Variants in PRDM10 observed in about 807,000 individuals in gnomAD.
PRDM10 encodes the protein PR/SET domain 10.
Under a neutral mutation model 133.1 loss-of-function variants are expected in PRDM10, and 65 were observed. The observed-to-expected ratio is 0.49, with a 90% confidence interval of 0.40 to 0.60. The LOEUF (loss-of-function observed/expected upper bound fraction) is 0.60. PRDM10 is among the 20% of genes least tolerant of loss of function. PRDM10 has a pLI of 0.00. For missense variants in PRDM10, 1,137 were observed against 1,507.1 expected (o/e 0.75, Z 4.07); for synonymous variants, 582 against 580.4 (o/e 1.00, Z -0.04).
chr11:129,933,433 A>G (rs1950931736), intron 9 of PRDM10, among the ~76,000 whole-genome samples: 1 of 152,190 alleles, frequency 6.6e-6, no homozygotes, highest in Non-Finnish European at 1.5e-5. Flanking sequence ...TTTCATCTCT[A>G]GATATCTTGG....
intron 15 of PRDM10, 142 bp from the exon 16 acceptor site, chr11:129,916,002 G>T: frequency 1.4e-6 from 1 of 705,248 alleles, no homozygotes; most frequent in Non-Finnish European, 2.2e-6. Context: ...TATATTAACA[G>T]ATCTATTGAA....
chr11:129,931,574 TTA>T (rs1565472710), intron 10 of PRDM10, among the ~76,000 whole-genome samples: 10 of 133,826 alleles, frequency 7.5e-5, no homozygotes, highest in Admixed American at 2.9e-4. Context: ...TTATTTTATT[TTA>T]TTTTTTTTTT....
At chr11:129,922,756 G>A (rs898200003) in intron 13 of PRDM10, among the ~76,000 whole-genome samples, 42 of 152,096 alleles carry the variant, frequency 2.8e-4, no homozygotes, top group African/African-American at 8.9e-4. Flanking sequence ...GGTGGGTTAC[G>A]GATACTCATA....
intron 19 of PRDM10, among the ~76,000 whole-genome samples, chr11:129,907,379 G>A (rs1237653467): frequency 6.6e-6 from 1 of 152,102 alleles, no homozygotes; most frequent in Non-Finnish European, 1.5e-5. Flanking sequence ...GCAATGTATG[G>A]CCCTTATTTG....
At position 129,931,255 on chromosome 11, in the gene PRDM10, A is replaced by C. The variant is rs1039293816; in HGVS notation, c.1291T>G (p.Leu431Val). Residue 431 changes from leucine (L) to valine (V), a missense_variant, in exon 11 of 21, where the codon TTG (leucine) becomes GTG (valine). Physicochemically the swap from Leu to Val is conservative, Grantham distance 32. This residue lies in a region of PRDM10 where 635 missense variants were observed against 835.2 expected (regional missense o/e 0.76). Coordinates refer to ENST00000360871, the MANE Select transcript of PRDM10 (RefSeq NM_199437.2). The stretch of plus-strand genomic sequence containing the variant: ...TGCTCCTTTGTGGGAAAATGTAGCA[A>C]GTCCTGAAATTTGCAATAACCAGGA... ...GEKSDDGTQDLLHFPTKEQFD... is the reference protein window; with the variant it reads ...GEKSDDGTQDVLHFPTKEQFD... 4 of 1,613,446 alleles carry C rather than the reference A, an allele frequency of 2.5e-6. No individual in the cohort carries two copies. In the African/African-American group the frequency reaches 5.3e-5, roughly 22 times the overall value.
intron 11 of PRDM10, among the ~76,000 whole-genome samples, chr11:129,928,064 T>C (rs1355412735): frequency 6.6e-6 from 1 of 152,246 alleles, no homozygotes; most frequent in African/African-American, 2.4e-5. Context: ...AGACAACAGA[T>C]TATTTGTAGA....
At chr11:129,971,851 T>C (rs929503746) in intron 1 of PRDM10, among the ~76,000 whole-genome samples, 1 of 152,168 alleles carries the variant, frequency 6.6e-6, no homozygotes, top group Non-Finnish European at 1.5e-5. Context: ...AGCCCTTGGG[T>C]GGTCGATGGG....
chr11:129,966,314 CAT>C (rs1327485452), intron 1 of PRDM10, among the ~76,000 whole-genome samples: 1 of 152,148 alleles, frequency 6.6e-6, no homozygotes. Flanking sequence ...AAATTAACTA[CAT>C]GTTATGTATT....
intron 1 of PRDM10, among the ~76,000 whole-genome samples, chr11:129,966,149 C>T (rs914096854): frequency 1.3e-5 from 2 of 152,022 alleles, no homozygotes; most frequent in Non-Finnish European, 2.9e-5. Flanking sequence ...GAGGCTGAGG[C>T]GGGAGAATCG....
chr11:129,900,688 C>A lies in PRDM10; in HGVS notation c.*1625G>T, dbSNP rs1949821554. 1 of 152,204 alleles carries A rather than the reference C, an allele frequency of 6.6e-6. No homozygotes were observed. The highest frequency in any genetic ancestry group is 6.5e-5 in the Admixed American group (1 of 15,274). The allele number at this position is 152,204 out of a possible 1,614,324, so 9.4% of individuals were successfully genotyped here. ...CACTGTGGGACTTAGGGAACCCGAA[C>A]CTGTGTTTTGCAATGCAGGGTCAAT... On this transcript the variant is annotated 3_prime_UTR_variant, in exon 21 of 21. Coordinates refer to ENST00000360871, the MANE Select transcript of PRDM10 (RefSeq NM_199437.2).
At chr11:129,925,840 A>T (rs934962391) in intron 11 of PRDM10, among the ~76,000 whole-genome samples, 1 of 152,210 alleles carries the variant, frequency 6.6e-6, no homozygotes, top group African/African-American at 2.4e-5. Flanking sequence ...GGGGGTGATG[A>T]AAGTGTGCTG....
chr11:129,984,482 A>C (rs1387483022), intron 1 of PRDM10, among the ~76,000 whole-genome samples: 1 of 152,106 alleles, frequency 6.6e-6, no homozygotes, highest in Non-Finnish European at 1.5e-5. Context: ...CCTGCAGTCC[A>C]GCCCCACGGC....
intron 15 of PRDM10, 36 bp downstream of exon 15, chr11:129,917,091 C>G (rs201778441): frequency 2.0e-4 from 293 of 1,492,128 alleles, no homozygotes; most frequent in Middle Eastern, 1.2e-3. Context: ...AGCAGGGAAC[C>G]CCAGTGGCAT....
intron 1 of PRDM10, among the ~76,000 whole-genome samples, chr11:129,965,266 A>G (rs1951881811): frequency 6.6e-6 from 1 of 152,188 alleles, no homozygotes; most frequent in South Asian, 2.1e-4. Flanking sequence ...GGAAAGAAAG[A>G]AAAGAAATCT....
chr11:129,996,705 G>A (rs1294631014), intron 1 of PRDM10, among the ~76,000 whole-genome samples: 3 of 152,186 alleles, frequency 2.0e-5, no homozygotes, highest in Non-Finnish European at 2.9e-5. Flanking sequence ...AGGTGTGACA[G>A]CAGAGAGAGA....
chr11:129,929,440 A>G, intron 11 of PRDM10: 2 of 1,556,116 alleles, frequency 1.3e-6, no homozygotes, highest in Non-Finnish European at 1.7e-6. Context: ...GCAGCATTAG[A>G]GGAGAGAAAA....
At chr11:129,978,749 C>T (rs1408979756) in intron 1 of PRDM10, among the ~76,000 whole-genome samples, 1 of 152,228 alleles carries the variant, frequency 6.6e-6, no homozygotes, top group Non-Finnish European at 1.5e-5. Flanking sequence ...TCAGGTTTCC[C>T]ATCAGGGTGT....
chr11:129,908,887 T>C (rs1241718494), intron 19 of PRDM10, among the ~76,000 whole-genome samples: 1 of 151,694 alleles, frequency 6.6e-6, no homozygotes, highest in Non-Finnish European at 1.5e-5. Context: ...CCACCAGACG[T>C]GGCTAATTTT....
intron 11 of PRDM10, 65 bp downstream of exon 11, chr11:129,930,951 A>C: frequency 6.5e-7 from 1 of 1,537,160 alleles, no homozygotes; most frequent in Non-Finnish European, 8.7e-7. Flanking sequence ...GAAAACCACC[A>C]GAGAGCTGGT....
Sources: gnomAD v4.1 joint callset for allele counts (sites outside exome capture counted in the v4.1 genomes callset) on GRCh38, gnomAD v4.1.1 for gene constraint, gnomAD v4.1.1 regional missense constraint, MANE v1.5 for transcripts, NCBI Gene and HGNC (gene_info 2026-07-23, HGNC 2026-07-21) for gene names.